The following EPHA4 variants were observed in gnomAD, a reference collection of about 807,000 sequenced individuals.
EPHA4 encodes the protein ephrin type-A receptor 4.
EPHA4 carries 19 observed loss-of-function variants against 108.3 expected under a neutral mutation model. That is an observed-to-expected ratio of 0.18 (90% confidence interval 0.12 to 0.26). The LOEUF (loss-of-function observed/expected upper bound fraction) is 0.26, where lower values mean the gene tolerates loss of function less well. Ranked by LOEUF, EPHA4 falls within the 10% of genes least tolerant of loss-of-function variation. The probability of loss-of-function intolerance (pLI) is 1.00; values close to 1 mark genes in which losing one functional copy is unlikely to be tolerated. For missense variants in EPHA4, 917 were observed against 1,254.0 expected, an observed-to-expected ratio of 0.73 and a Z score of 4.06; for synonymous variants, 449 against 455.5, an observed-to-expected ratio of 0.99 and a Z score of 0.18.
At chr2:221,450,479 A>G (rs1559246084) in intron 8 of EPHA4, among the ~76,000 whole-genome samples, 1 of 152,210 alleles carries the variant, frequency 6.6e-6, no homozygotes, top group Non-Finnish European at 1.5e-5. Context: ...AGAACTGCCA[A>G]TGTCAGCTTT....
In EPHA4 at chr2:221,572,180, G is replaced by A. The variant is rs962920706; in HGVS notation, c.69C>T (p.Ser23=). The A allele has an allele frequency of 6.2e-7, 1 of 1,614,072 alleles. No individual in the cohort carries two copies. Among genetic ancestry groups the A allele is most frequent in the Admixed American group, 1.7e-5 (1 of 60,034 alleles). The change falls in exon 1 of 18, where the codon TCC becomes TCT. Residue 23 remains serine, a synonymous_variant. Transcript: ENST00000281821. The part of the protein sequence containing the change: ...LFGICDAVTG[S]RVYPANEVTL... Reference sequence around the variant, plus strand: ...TACCTTCATTCGCGGGGTATACCCTGGAACCTGTGACAGCGTCGCAAATCC... The same window carrying A: ...TACCTTCATTCGCGGGGTATACCCTAGAACCTGTGACAGCGTCGCAAATCC...
chr2:221,464,347 GCTT>G (rs1349175161), intron 5 of EPHA4, among the ~76,000 whole-genome samples: 3 of 152,132 alleles, frequency 2.0e-5, no homozygotes, highest in Non-Finnish European at 4.4e-5. Context: ...GCTCTGATTT[GCTT>G]CTTATCAAAG....
At chr2:221,502,034 CAT>C in intron 3 of EPHA4, among the ~76,000 whole-genome samples, 2 of 152,156 alleles carry the variant, frequency 1.3e-5, no homozygotes, top group South Asian at 4.2e-4. Context: ...GAACACGGGC[CAT>C]ATAGTTTTTT....
chr2:221,419,641 C>T lies in EPHA4; in HGVS notation c.*1731G>A, dbSNP rs754098828. The T allele has an allele frequency of 6.6e-6, 1 of 152,532 alleles. No individual in the cohort carries two copies. Among genetic ancestry groups the T allele is most frequent in the Admixed American group, 6.5e-5 (1 of 15,274 alleles). The allele number at this position is 152,532 out of a possible 1,614,324, so 9.4% of individuals were successfully genotyped here. A position where few individuals can be genotyped will look rare whatever the true frequency, so the allele number is the denominator to read the frequency against. On this transcript the variant is annotated 3_prime_UTR_variant, in exon 18 of 18. Coordinates refer to ENST00000281821, the MANE Select transcript of EPHA4 (RefSeq NM_004438.5). ...TTGTAATTTTGATGATGGGTTGTCA[C>T]CTGAATGGATTTATATTTTAAATTA...
At chr2:221,523,906 G>A (rs1382141764) in intron 3 of EPHA4, among the ~76,000 whole-genome samples, 2 of 152,150 alleles carry the variant, frequency 1.3e-5, no homozygotes, top group African/African-American at 4.8e-5. Flanking sequence ...TATTTTTTGA[G>A]CACCTGGTAT....
intron 17 of EPHA4, among the ~76,000 whole-genome samples, chr2:221,421,300 A>G (rs562530270): frequency 6.7e-6 from 1 of 148,898 alleles, no homozygotes; most frequent in African/African-American, 2.5e-5. Flanking sequence ...ACTCTGTCTC[A>G]AAAAAAAAAG....
chr2:221,527,439 C>A (rs2106179876), intron 3 of EPHA4, among the ~76,000 whole-genome samples: 1 of 152,210 alleles, frequency 6.6e-6, no homozygotes, highest in African/African-American at 2.4e-5. Context: ...CTGGACAGAC[C>A]TTCACAATCT....
chr2:221,559,400 C>T (rs1024917643), intron 3 of EPHA4, among the ~76,000 whole-genome samples: 2 of 152,078 alleles, frequency 1.3e-5, no homozygotes, highest in Admixed American at 6.5e-5. Flanking sequence ...TTTAATTAAG[C>T]AAAAAATACA....
intron 3 of EPHA4, among the ~76,000 whole-genome samples, chr2:221,521,552 G>C (rs1311416328): frequency 6.6e-6 from 1 of 152,116 alleles, no homozygotes; most frequent in African/African-American, 2.4e-5. Flanking sequence ...CAGAGATTTG[G>C]AAAATATCTG....
intron 4 of EPHA4, among the ~76,000 whole-genome samples, chr2:221,485,457 C>T (rs185470821): frequency 1.3e-4 from 20 of 152,264 alleles, no homozygotes; most frequent in African/African-American, 2.4e-4. Flanking sequence ...AATCGTACTG[C>T]GTATGTTTTA....
rs183583242 is a variant in EPHA4 at position 221,495,199 on chromosome 2, T to G, written c.979+5818A>C. Among the ~76,000 whole-genome samples, 675 of 152,302 alleles carry G rather than the reference T, an allele frequency of 4.4e-3. 3 individuals carry two copies. The highest frequency in any genetic ancestry group is 7.3e-3 in the Non-Finnish European group (497 of 68,022). Reference sequence around the variant, plus strand: ...GTATGATTCTACCCAGGCTGGATTTTCTTCATACAGGAGACAGATGAAGTA... The same window carrying G: ...GTATGATTCTACCCAGGCTGGATTTGCTTCATACAGGAGACAGATGAAGTA... On this transcript the variant is annotated intron_variant, in intron 4 of 17. Transcript: ENST00000281821.
chr2:221,424,289 C>T (rs967286917), intron 17 of EPHA4, among the ~76,000 whole-genome samples: 2 of 151,844 alleles, frequency 1.3e-5, no homozygotes, highest in Admixed American at 6.6e-5. Flanking sequence ...TTTCACATTC[C>T]TTCTGAACAG....
chr2:221,565,467 CAT>C (rs1334188507), intron 2 of EPHA4, among the ~76,000 whole-genome samples: 1 of 152,176 alleles, frequency 6.6e-6, no homozygotes, highest in Non-Finnish European at 1.5e-5. Flanking sequence ...ATTTAACAAA[CAT>C]ATGAATATAA....
intron 3 of EPHA4, among the ~76,000 whole-genome samples, chr2:221,558,453 A>G (rs1353316306): frequency 6.6e-6 from 1 of 151,878 alleles, no homozygotes; most frequent in East Asian, 1.9e-4. Context: ...GCCATTAACT[A>G]GTAAAGTTCA....
chr2:221,460,579 C>T (rs1465683535), intron 5 of EPHA4, among the ~76,000 whole-genome samples: 2 of 152,204 alleles, frequency 1.3e-5, no homozygotes, highest in African/African-American at 4.8e-5. Flanking sequence ...AGCTTACCTT[C>T]TCTAGTAAGA....
At chr2:221,570,207 T>A (rs1199783371) in intron 1 of EPHA4, among the ~76,000 whole-genome samples, 1 of 151,864 alleles carries the variant, frequency 6.6e-6, no homozygotes. Flanking sequence ...AGTGAATTAA[T>A]TTTTAAGGGG....
intron 3 of EPHA4, among the ~76,000 whole-genome samples, chr2:221,510,255 A>G (rs1373670578): frequency 6.6e-6 from 1 of 152,236 alleles, no homozygotes; most frequent in Non-Finnish European, 1.5e-5. Context: ...ATTGAAGTCT[A>G]ACTCATAGCA....
intron 5 of EPHA4, among the ~76,000 whole-genome samples, chr2:221,468,578 C>T (rs995645014): frequency 6.6e-6 from 1 of 152,188 alleles, no homozygotes; most frequent in African/African-American, 2.4e-5. Context: ...ACGTCCAAAG[C>T]ATCTAGATCA....
At chr2:221,498,285 C>G (rs1692362890) in intron 4 of EPHA4, among the ~76,000 whole-genome samples, 1 of 152,166 alleles carries the variant, frequency 6.6e-6, no homozygotes, top group South Asian at 2.1e-4. Flanking sequence ...AAGGCTTTAT[C>G]TGCATGGAAA....
Sources: gnomAD v4.1 joint callset for allele counts (sites outside exome capture counted in the v4.1 genomes callset) on GRCh38, gnomAD v4.1.1 for gene constraint, MANE v1.5 for transcripts, NCBI Gene and HGNC (gene_info 2026-07-23, HGNC 2026-07-21) for gene names.